LINGO2: variants seen among roughly 807,000 people sequenced by gnomAD.
The protein encoded by LINGO2 is leucine rich repeat and Ig domain containing 2, also known as leucine-rich repeat and immunoglobulin-like domain-containing nogo receptor-interacting protein 2.
Under a neutral mutation model 30.6 loss-of-function variants are expected in LINGO2, and 14 were observed. The observed-to-expected ratio is 0.46, with a 90% CI of 0.30 to 0.72. LINGO2 has a LOEUF of 0.72. LINGO2 is among the 30% of genes least tolerant of loss of function. The pLI, the probability that LINGO2 is intolerant of heterozygous loss-of-function variation, is 0.07. For missense variants in LINGO2, 729 were observed against 751.7 expected (o/e 0.97, Z 0.35); for synonymous variants, 317 against 288.5 (o/e 1.10, Z -1.00).
chr9:28,363,638 G>A (rs75675347), intron 3 of LINGO2, among the ~76,000 whole-genome samples: 35 of 151,896 alleles, frequency 2.3e-4, no homozygotes, highest in African/African-American at 5.8e-4. Flanking sequence ...ACCAATCAGC[G>A]GAGTCACTAT....
At chr9:28,759,992 G>C in the LINGO2 span, among the ~76,000 whole-genome samples, 6 of 151,950 alleles carry the variant, frequency 3.9e-5, 1 homozygote, top group African/African-American at 1.5e-4. Flanking sequence ...TCATGTGCTA[G>C]GTTATACAAA....
At chr9:29,065,553 G>A in the LINGO2 span, among the ~76,000 whole-genome samples, 1 of 151,766 alleles carries the variant, frequency 6.6e-6, no homozygotes, top group African/African-American at 2.4e-5. Context: ...TGTTATTGTC[G>A]ATTTTGTCAA....
chr9:29,175,810 G>A, the LINGO2 span, among the ~76,000 whole-genome samples: 20 of 152,040 alleles, frequency 1.3e-4, no homozygotes, highest in Non-Finnish European at 1.9e-4. Flanking sequence ...TTTAAAAAGC[G>A]TATATGAGGA....
intron 4 of LINGO2, among the ~76,000 whole-genome samples, chr9:28,203,867 A>C (rs567375816): frequency 6.6e-6 from 1 of 152,280 alleles, no homozygotes; most frequent in African/African-American, 2.4e-5. Flanking sequence ...AAGCAAACCC[A>C]AAAATGGATT....
At chr9:28,268,446 C>G (rs1240770078) in intron 4 of LINGO2, among the ~76,000 whole-genome samples, 1 of 152,026 alleles carries the variant, frequency 6.6e-6, no homozygotes, top group Non-Finnish European at 1.5e-5. Flanking sequence ...ACACCACCAT[C>G]CAGGTTTTCA....
intron 4 of LINGO2, among the ~76,000 whole-genome samples, chr9:28,126,944 T>G (rs890485980): frequency 5.3e-5 from 8 of 152,236 alleles, no homozygotes; most frequent in Admixed American, 5.2e-4. Context: ...AATGTATACC[T>G]AACATTTTTT....
At chr9:29,016,865 G>A in the LINGO2 span, among the ~76,000 whole-genome samples, 1 of 152,146 alleles carries the variant, frequency 6.6e-6, no homozygotes, top group Non-Finnish European at 1.5e-5. Flanking sequence ...ATCATCTTTA[G>A]AGGCTGCAAC....
chr9:28,149,369 G>T lies in LINGO2; in HGVS notation c.-86-136964C>A, dbSNP rs1325267890. Reference sequence around the variant, plus strand: ...GCTGCTCCACCGTCTGGGAAGTGAGGAGCGCCTCTGCCAGGCTGCTCCACC... The same window carrying T: ...GCTGCTCCACCGTCTGGGAAGTGAGTAGCGCCTCTGCCAGGCTGCTCCACC... On this transcript the variant is annotated intron_variant, in intron 4 of 5. Coordinates refer to ENST00000379992, the Ensembl canonical transcript of LINGO2. The T allele has an allele frequency of 2.8e-5, 12 of 424,840 alleles. No homozygotes were observed. The Admixed American group carries it at 4.3e-4, about 15-fold the overall frequency. 26.3% of individuals were successfully genotyped at this position (424,840 alleles called of 1,614,324 possible).
intron 1 of LINGO2, among the ~76,000 whole-genome samples, chr9:28,489,406 G>A (rs1351628996): frequency 2.6e-5 from 4 of 152,090 alleles, no homozygotes; most frequent in Non-Finnish European, 4.4e-5. Context: ...TGACCTCAAA[G>A]TGATCCACCT....
chr9:28,390,649 C>T (rs1199880562), intron 2 of LINGO2, among the ~76,000 whole-genome samples: 1 of 151,922 alleles, frequency 6.6e-6, no homozygotes, highest in Admixed American at 6.6e-5. Context: ...ATACTTAAGT[C>T]TGCCATCTCC....
At chr9:28,228,156 TGAG>T (rs1248009974) in intron 4 of LINGO2, among the ~76,000 whole-genome samples, 1 of 151,968 alleles carries the variant, frequency 6.6e-6, no homozygotes, top group East Asian at 1.9e-4. Context: ...ACTCACCTAA[TGAG>T]GAGTTCCTAC....
chr9:28,548,919 G>T (rs1460956622), intron 1 of LINGO2, among the ~76,000 whole-genome samples: 1 of 151,490 alleles, frequency 6.6e-6, no homozygotes, highest in East Asian at 1.9e-4. Context: ...TATAAATTGG[G>T]TAATATTCCA....
intron 4 of LINGO2, among the ~76,000 whole-genome samples, chr9:28,157,080 C>T (rs1244341702): frequency 2.0e-5 from 3 of 152,154 alleles, no homozygotes; most frequent in Non-Finnish European, 4.4e-5. Flanking sequence ...TAGGTGGTGC[C>T]CCAATAGGGA....
the LINGO2 span, among the ~76,000 whole-genome samples, chr9:28,849,519 C>G: frequency 6.6e-6 from 1 of 151,964 alleles, no homozygotes; most frequent in Non-Finnish European, 1.5e-5. Flanking sequence ...AGGTCATTGA[C>G]TTTATATCTA....
intron 3 of LINGO2, among the ~76,000 whole-genome samples, chr9:28,357,602 T>C (rs963131421): frequency 3.9e-5 from 6 of 152,092 alleles, no homozygotes; most frequent in Non-Finnish European, 8.8e-5. Context: ...AGATAGTCTA[T>C]GGAAACATTT....
At chr9:28,778,364 T>C in the LINGO2 span, among the ~76,000 whole-genome samples, 2 of 152,178 alleles carry the variant, frequency 1.3e-5, no homozygotes, top group African/African-American at 2.4e-5. Flanking sequence ...AGTATTCTTC[T>C]GGGAAAACTA....
At chr9:28,365,074 C>T (rs1029685750) in intron 3 of LINGO2, among the ~76,000 whole-genome samples, 4 of 152,128 alleles carry the variant, frequency 2.6e-5, no homozygotes, top group Admixed American at 6.5e-5. Flanking sequence ...AGCAAAATGT[C>T]TTGGGAGCAC....
At chr9:28,082,089 C>T (rs1296452041) in intron 4 of LINGO2, among the ~76,000 whole-genome samples, 5 of 152,156 alleles carry the variant, frequency 3.3e-5, no homozygotes, top group African/African-American at 1.2e-4. Context: ...ATCACACTCT[C>T]AACTTTGTTT....
At chr9:29,203,195 G>T in the LINGO2 span, among the ~76,000 whole-genome samples, 128 of 152,214 alleles carry the variant, frequency 8.4e-4, 1 homozygote, top group African/African-American at 2.9e-3. Flanking sequence ...TCTTTAGAAA[G>T]AAGGGGTAAT....
Sources: gnomAD v4.1 joint callset for allele counts (sites outside exome capture counted in the v4.1 genomes callset) on GRCh38, gnomAD v4.1.1 for gene constraint, MANE v1.5 for transcripts, NCBI Gene and HGNC (gene_info 2026-07-23, HGNC 2026-07-21) for gene names.